ZNF354C: variants seen among roughly 807,000 people sequenced by gnomAD.
ZNF354C encodes the protein zinc finger protein 354C, also known as KRAB-zinc finger protein synten.
Under a neutral mutation model 12.4 loss-of-function variants are expected in ZNF354C, and 7 were observed. The observed-to-expected ratio is 0.56, with a 90% confidence interval of 0.32 to 1.06. The LOEUF is 1.06. Among genes scored for constraint, ZNF354C ranks in the 50% least tolerant of loss-of-function variants. The pLI, the probability that ZNF354C is intolerant of heterozygous loss-of-function variation, is 0.04. For synonymous variants in ZNF354C, 202 were observed against 224.5 expected, an observed-to-expected ratio of 0.90 and a Z score of 0.90; for missense variants, 609 against 658.0, an observed-to-expected ratio of 0.93 and a Z score of 0.81.
Position 179,083,051 on chromosome 5 carries a change from G to A in ZNF354C, c.*2954G>A. The A allele has an allele frequency of 1.3e-6, 1 of 764,572 alleles. No homozygotes were observed. Among genetic ancestry groups the A allele is most frequent in the Non-Finnish European group, 2.2e-6 (1 of 454,894 alleles). The allele number at this position is 764,572 out of a possible 1,614,324, so 47.4% of individuals were successfully genotyped here. On this transcript the variant is annotated 3_prime_UTR_variant, in exon 5 of 5. Coordinates refer to ENST00000315475, the MANE Select transcript of ZNF354C (RefSeq NM_014594.3). ...GCACACATTCCACTGGCCCTACGCA[G>A]GGGTGTGATGTTGTAAGCCATAGTT...
Position 179,077,158 on chromosome 5 carries a change from C to A in ZNF354C, c.242C>A (p.Thr81Asn). The A allele has an allele frequency of 1.9e-6, 3 of 1,613,850 alleles. No individual in the cohort carries two copies. Among genetic ancestry groups the A allele is most frequent in the Non-Finnish European group, 2.5e-6 (3 of 1,179,768 alleles). Residue 81 changes from threonine to asparagine, a missense_variant, in exon 4 of 5, where the codon ACC becomes AAC. By Grantham distance (65) the Thr-to-Asn change is moderately conservative. Coordinates refer to ENST00000315475, the MANE Select transcript of ZNF354C (RefSeq NM_014594.3). ...CMVEREVPSD[T>N]RLGFKTWLET... ...GTGGAAAGAGAAGTCCCTTCAGATA[C>A]CCGTCTAGGTAAGTGAGAGGCTGGG...
rs1413048177 is a variant in ZNF354C, at chr5:179,060,942, C to T, written c.-55+276C>T. Among the ~76,000 whole-genome samples the T allele has an allele frequency of 2.0e-5, 3 of 152,170 alleles. No homozygotes were observed. Among genetic ancestry groups the T allele is most frequent in the African/African-American group, 7.2e-5 (3 of 41,458 alleles). On this transcript the variant is annotated intron_variant, in intron 1 of 4. Transcript: ENST00000315475. This position sits in a 1 kb window ranked among gnomAD's most constrained non-coding sequence, Gnocchi z 4.2. The stretch of plus-strand genomic sequence containing the variant: ...GGCGAGGTCATTGCCCCAGATGTAA[C>T]TGGGGCCTGGGGCTAGGATCAGGAT...
At chr5:179,069,865 C>CA (rs1762025809) in intron 2 of ZNF354C, among the ~76,000 whole-genome samples, 1 of 152,068 alleles carries the variant, frequency 6.6e-6, no homozygotes, top group African/African-American at 2.4e-5. Flanking sequence ...GACTCTGTCT[C>CA]AAAAACAAAC....
rs919795766 is a variant in ZNF354C, at chr5:179,079,515, T to G, written c.1083T>G (p.Cys361Trp). 1 of 1,614,132 alleles carries G rather than the reference T, an allele frequency of 6.2e-7. No individual in the cohort carries two copies. Among genetic ancestry groups the G allele is most frequent in the Non-Finnish European group, 8.5e-7 (1 of 1,180,012 alleles). ...TGEKPYKCSE[C>W]GKGYSQFTSL... is the part of the protein sequence containing the mutation. Reference sequence around the variant, plus strand: ...AGAAACCCTATAAATGTAGTGAGTGTGGGAAGGGATACAGCCAGTTTACAT... The same window carrying G: ...AGAAACCCTATAAATGTAGTGAGTGGGGGAAGGGATACAGCCAGTTTACAT... Residue 361 changes from cysteine (C) to tryptophan (W), a missense_variant, in exon 5 of 5, where the codon TGT becomes TGG. Cys to Trp is a radical substitution (Grantham distance 215, BLOSUM62 -2). Coordinates refer to ENST00000315475, the MANE Select transcript of ZNF354C (RefSeq NM_014594.3). The surrounding 1 kb of genome is among the most constrained non-coding windows in gnomAD (Gnocchi z 4.2).
chr5:179,069,698 T>C (rs1337653480), intron 2 of ZNF354C, among the ~76,000 whole-genome samples: 1 of 151,062 alleles, frequency 6.6e-6, no homozygotes, highest in Non-Finnish European at 1.5e-5. Flanking sequence ...ACCCCGTCTC[T>C]ACTAAAAAAT....
intron 2 of ZNF354C, among the ~76,000 whole-genome samples, chr5:179,064,238 T>C (rs1320091520): frequency 1.3e-5 from 2 of 152,092 alleles, no homozygotes; most frequent in African/African-American, 2.4e-5. Flanking sequence ...GTTTTTGTTG[T>C]TGTTGTTGTT....
At chr5:179,069,002 G>C (rs1008787975) in intron 2 of ZNF354C, among the ~76,000 whole-genome samples, 20 of 152,222 alleles carry the variant, frequency 1.3e-4, no homozygotes, top group Admixed American at 1.1e-3. Flanking sequence ...CAGCCTAAAG[G>C]CCTCATTTTA....
chr5:179,082,685 A>G lies in ZNF354C; in HGVS notation c.*2588A>G. The G allele has an allele frequency of 6.3e-7, 1 of 1,592,624 alleles. No homozygotes were observed. The highest frequency in any genetic ancestry group is 1.1e-5 in the South Asian group (1 of 90,490). ...TTTGTGGATGTGGTTAGTCAATGAC[A>G]CCAGCTTGACGGATCTTTCTTTCTG... On this transcript the variant is annotated 3_prime_UTR_variant, in exon 5 of 5. Coordinates refer to ENST00000315475, the MANE Select transcript of ZNF354C (RefSeq NM_014594.3).
chr5:179,076,031 C>G (rs1346248460), intron 2 of ZNF354C, among the ~76,000 whole-genome samples: 1 of 152,168 alleles, frequency 6.6e-6, no homozygotes, highest in East Asian at 1.9e-4. Context: ...TTCTAGGGCT[C>G]TCAGGGGAAA....
chr5:179,062,923 G>A (rs1411747352), intron 2 of ZNF354C, among the ~76,000 whole-genome samples: 1 of 152,044 alleles, frequency 6.6e-6, no homozygotes, highest in African/African-American at 2.4e-5. Context: ...TCAGCGTTCT[G>A]AGTATCTTCC....
intron 3 of ZNF354C, among the ~76,000 whole-genome samples, chr5:179,076,792 G>C (rs1245597338): frequency 6.6e-6 from 1 of 152,050 alleles, no homozygotes; most frequent in South Asian, 2.1e-4. Context: ...TTCCCTCCTT[G>C]GAGTAGGCCA....
intron 2 of ZNF354C, among the ~76,000 whole-genome samples, chr5:179,075,043 G>A (rs964414323): frequency 6.6e-6 from 1 of 151,572 alleles, no homozygotes; most frequent in Non-Finnish European, 1.5e-5. Context: ...GGTGGATCAT[G>A]AGGTCAAGAG....
At chr5:179,063,870 G>A (rs1489917188) in intron 2 of ZNF354C, among the ~76,000 whole-genome samples, 2 of 152,214 alleles carry the variant, frequency 1.3e-5, no homozygotes, top group African/African-American at 4.8e-5. Flanking sequence ...AATTCCAGCT[G>A]TTACTATGAT....
In ZNF354C at chr5:179,076,438, A is replaced by G; in HGVS notation, c.28-7A>G. On this transcript the variant is annotated splice_polypyrimidine_tract_variant and splice_region_variant and intron_variant, in intron 2 of 4. Transcript: ENST00000315475. ...CTGGGTGAGCAGGTATGGGTTTGCC[A>G]TTACAGGAGCCTGTGACATTCAGGG... 1 of 1,614,164 alleles carries G rather than the reference A, an allele frequency of 6.2e-7. No homozygotes were observed. Among genetic ancestry groups the G allele is most frequent in the Non-Finnish European group, 8.5e-7 (1 of 1,180,016 alleles).
rs1281041339 is a variant in ZNF354C at position 179,080,637 on chromosome 5, C to T, written c.*540C>T. On this transcript the variant is annotated 3_prime_UTR_variant, in exon 5 of 5. Coordinates refer to ENST00000315475, the MANE Select transcript of ZNF354C (RefSeq NM_014594.3). The stretch of plus-strand genomic sequence containing the variant: ...CCAGCAACTTATATATGTAAACATA[C>T]ATATATACACATATGCATGTGTGTG... 1.3e-5 allele frequency: 2 copies of T among 152,112 alleles called. No homozygotes were observed. The highest frequency in any genetic ancestry group is 2.9e-5 in the Non-Finnish European group (2 of 68,028). The allele number at this position is 152,112 out of a possible 1,614,324, so 9.4% of individuals were successfully genotyped here.
At chr5:179,063,535 G>A (rs181084240) in intron 2 of ZNF354C, among the ~76,000 whole-genome samples, 67 of 152,328 alleles carry the variant, frequency 4.4e-4, no homozygotes, top group African/African-American at 1.6e-3. Context: ...ACTCCAGCCT[G>A]GGCACGAGAG....
intron 3 of ZNF354C, 136 bp from the exon 4 acceptor site, chr5:179,076,935 C>A: frequency 1.3e-6 from 1 of 755,052 alleles, no homozygotes; most frequent in African/African-American, 1.7e-5. Context: ...AGTGCCCCTG[C>A]GAAGTGCTTG....
chr5:179,078,740 A>C lies in ZNF354C; in HGVS notation c.308A>C (p.Glu103Ala), dbSNP rs1762165587. Residue 103 changes from glutamate to alanine, a missense_variant, in exon 5 of 5, where the codon GAA (glutamate) becomes GCA (alanine). Coordinates refer to ENST00000315475, the MANE Select transcript of ZNF354C (RefSeq NM_014594.3). ...ALPHRQDIFI[E>A]ETSQGMVKKE... ...CCTCATAGACAGGACATTTTTATAG[A>C]AGAAACATCTCAGGGAATGGTAAAG... is the stretch of plus-strand genomic sequence containing the variant. The C allele has an allele frequency of 6.2e-7, 1 of 1,612,510 alleles. No homozygotes were observed. The highest frequency in any genetic ancestry group is 8.5e-7 in the Non-Finnish European group (1 of 1,179,634).
Position 179,062,033 on chromosome 5 carries a change from C to G in ZNF354C, c.-36C>G, listed in dbSNP as rs1761900835. 4.3e-6 allele frequency: 7 copies of G among 1,613,618 alleles called. No individual in the cohort carries two copies. Among genetic ancestry groups the G allele is most frequent in the South Asian group, 1.1e-5 (1 of 91,072 alleles). ...TCTGCAGACCCACCGTGTCCACACT[C>G]TGCTCTCCCTGGGCAGGAAGACTGA... On this transcript the variant is annotated 5_prime_UTR_variant, in exon 2 of 5. Transcript: ENST00000315475.
Sources: allele counts gnomAD v4.1 joint callset (sites outside exome capture counted in the v4.1 genomes callset), GRCh38; gene constraint gnomAD v4.1.1; non-coding constraint Gnocchi (gnomAD v3.1); transcripts MANE v1.5; gene names NCBI Gene and HGNC (gene_info 2026-07-23, HGNC 2026-07-21).